SNCG: variants seen among roughly 807,000 people sequenced by gnomAD.
SNCG encodes the protein synuclein gamma, also known as gamma-synuclein.
Under a neutral mutation model 16.0 loss-of-function variants are expected in SNCG, and 13 were observed. The ratio of observed to expected loss-of-function variants is 0.81; its 90% CI spans 0.53 to 1.29. SNCG has a LOEUF of 1.29. Ranked by LOEUF, SNCG falls within the 50% of genes most tolerant of loss-of-function variation. SNCG has a pLI of 0.00. For synonymous variants in SNCG, 66 were observed against 66.3 expected, an observed-to-expected ratio of 1.00 and a Z score of 0.02; for missense variants, 154 against 168.5, an observed-to-expected ratio of 0.91 and a Z score of 0.48.
rs1465432214 is a variant in SNCG at position 86,960,070 on chromosome 10, C to A, written c.233C>A (p.Ala78Asp). Residue 78 changes from alanine to aspartate, a missense_variant, in exon 3 of 5, where the codon GCC becomes GAC. Physicochemically the swap from Ala to Asp is moderately radical, Grantham distance 126 (BLOSUM62 -2). Coordinates refer to ENST00000372017, the MANE Select transcript of SNCG (RefSeq NM_003087.3). ...GTGGTGAGCAGCGTCAACACTGTGGCCACCAAGACCGTGGAGGAGGCGGAG... is the reference window on the plus strand; with the variant it reads ...GTGGTGAGCAGCGTCAACACTGTGGACACCAAGACCGTGGAGGAGGCGGAG... Reference protein sequence around the residue: ...EAVVSSVNTVATKTVEEAENI... With the variant: ...EAVVSSVNTVDTKTVEEAENI... 2 of 1,613,332 alleles carry A rather than the reference C, an allele frequency of 1.2e-6. No individual in the cohort carries two copies. The highest frequency in any genetic ancestry group is 3.3e-5 in the Admixed American group (2 of 59,974).
At chr10:86,957,936 G>C (rs1386162008), upstream of SNCG, 7 of 602,944 alleles carry the variant, frequency 1.2e-5, no homozygotes, top group Non-Finnish European at 1.4e-5. Context: ...CATCCACACT[G>C]CTGGCCAGGA....
chr10:86,957,435 C>T (rs780540982), upstream of SNCG: 4 of 1,613,846 alleles, frequency 2.5e-6, no homozygotes, highest in Admixed American at 6.7e-5. Flanking sequence ...CCCAGGTGTC[C>T]TGGAGCTCTG....
chr10:86,957,256 GATAGATACT>G (rs1188307395), upstream of SNCG: 1 of 1,024,210 alleles, frequency 9.8e-7, no homozygotes, highest in Non-Finnish European at 1.5e-6. Flanking sequence ...ATGGCCCAGA[GATAGATACT>G]ATTAGCCCAT....
upstream of SNCG, chr10:86,957,850 G>C: frequency 8.6e-7 from 1 of 1,157,006 alleles, no homozygotes; most frequent in South Asian, 2.9e-5. Flanking sequence ...CTGCTCCCTG[G>C]GAGCCATGAA....
Position 86,962,693 on chromosome 10 carries a change from G to A in SNCG, c.363+18G>A, listed in dbSNP as rs781033832. ...CAGAGGAGGTAGGAGCTGGGCTCCT[G>A]GGGTGCACCATGGGGGGTTCCTTGG... On this transcript the variant is annotated intron_variant, in intron 4 of 4. Transcript: ENST00000372017. The A allele has an allele frequency of 6.3e-6, 10 of 1,587,866 alleles. No homozygotes were observed. The South Asian group carries it at 7.8e-5, about 12-fold the overall frequency.
chr10:86,959,776 C>A lies in SNCG; in HGVS notation c.163+102C>A. On this transcript the variant is annotated intron_variant, in intron 2 of 4. Coordinates refer to ENST00000372017, the MANE Select transcript of SNCG (RefSeq NM_003087.3). This position sits in a 1 kb window ranked among gnomAD's most constrained non-coding sequence, Gnocchi z 4.3. ...ACCTAGAGTCCTGCCTTACCCCCAA[C>A]TGGGGTCCCAAGCCCTACAGACCCC... 2 of 1,308,654 alleles carry A rather than the reference C, an allele frequency of 1.5e-6. No individual in the cohort carries two copies. The highest frequency in any genetic ancestry group is 2.1e-6 in the Non-Finnish European group (2 of 955,480). The allele number at this position is 1,308,654 out of a possible 1,614,324, so 81.1% of individuals were successfully genotyped here. A position where few individuals can be genotyped will look rare whatever the true frequency, so the allele number is the denominator to read the frequency against.
At chr10:86,957,708 C>T, upstream of SNCG, 2 of 1,328,086 alleles carry the variant, frequency 1.5e-6, no homozygotes, top group Non-Finnish European at 2.0e-6. Flanking sequence ...GTCCTGCCCC[C>T]CAACTACCCT....
chr10:86,958,621 G>A lies in SNCG; in HGVS notation c.-77G>A, dbSNP rs557161416. The A allele has an allele frequency of 9.4e-6, 15 of 1,587,706 alleles. No homozygotes were observed. The African/African-American group carries it at 1.2e-4, about 13-fold the overall frequency. On this transcript the variant is annotated 5_prime_UTR_variant, in exon 1 of 5. Transcript: ENST00000372017. ...GGGGACAGCCGCTGCGGCAGCACTC[G>A]AGCCAGCTCAAGCCCGCAGCTCGCA... is the stretch of plus-strand genomic sequence containing the variant.
rs1331418216 is a variant in SNCG at position 86,962,622 on chromosome 10, G to GC, written c.316dup (p.Gln106ProfsTer5). 1 of 1,612,468 alleles carries GC rather than the reference G, an allele frequency of 6.2e-7. No individual in the cohort carries two copies. Among genetic ancestry groups the GC allele is most frequent in the Non-Finnish European group, 8.5e-7 (1 of 1,179,180 alleles). ...CCTACAGGAGGACTTGAGGCCATCT[G>GC]CCCCCCAACAGGAGGGTGAGGCATC... On this transcript the variant is annotated frameshift_variant, in exon 4 of 5. Transcript: ENST00000372017. LOFTEE classifies it high-confidence loss of function.
intron 3 of SNCG, among the ~76,000 whole-genome samples, chr10:86,960,677 G>A (rs1047610857): frequency 3.3e-5 from 5 of 152,168 alleles, no homozygotes; most frequent in African/African-American, 1.2e-4. Flanking sequence ...TGTGTTGAGT[G>A]AGCATGTGGG....
At chr10:86,957,772 C>G, upstream of SNCG, 1 of 1,339,092 alleles carries the variant, frequency 7.5e-7, no homozygotes, top group South Asian at 2.0e-5. Flanking sequence ...TCCCTGAGGA[C>G]TTGGCTCAGG....
At chr10:86,958,938 C>G (rs751762720) in intron 1 of SNCG, 120 bp downstream of exon 1, 24 of 1,124,624 alleles carry the variant, frequency 2.1e-5, no homozygotes, top group Non-Finnish European at 3.0e-5. Context: ...GAGGCCCTGG[C>G]TATCAAGGTG....
rs1425670954 is a variant in SNCG, at chr10:86,963,003, TG to T, written c.*20del. The T allele has an allele frequency of 6.2e-7, 1 of 1,600,054 alleles. No individual in the cohort carries two copies. Among genetic ancestry groups the T allele is most frequent in the East Asian group, 2.2e-5 (1 of 44,448 alleles). On this transcript the variant is annotated 3_prime_UTR_variant, in exon 5 of 5. Transcript: ENST00000372017. Reference sequence around the variant, plus strand: ...GAGACTAGAGGGCTACAGGCCAGCGTGGATGACCTGAAGAGCGCTCCTCTGC... The same window carrying T: ...GAGACTAGAGGGCTACAGGCCAGCGTGATGACCTGAAGAGCGCTCCTCTGC...
At chr10:86,958,960 C>A in intron 1 of SNCG, 142 bp downstream of exon 1, 1 of 839,364 alleles carries the variant, frequency 1.2e-6, no homozygotes, top group Non-Finnish European at 1.8e-6. Context: ...GGTCTCCAGA[C>A]CCTGGAGCAC....
upstream of SNCG, chr10:86,958,208 C>T: frequency 1.1e-5 from 11 of 966,754 alleles, no homozygotes; most frequent in Non-Finnish European, 1.4e-5. Context: ...CCTATGTGGC[C>T]CTGACCCCTA....
upstream of SNCG, among the ~76,000 whole-genome samples, chr10:86,956,442 C>G (rs148188172): frequency 1.1e-4 from 16 of 152,368 alleles, 1 homozygote; most frequent in Admixed American, 3.3e-4. Flanking sequence ...TGGCCCCCCC[C>G]TCACTCCCTA....
Position 86,959,722 on chromosome 10 carries a change from G to T in SNCG, c.163+48G>T. The T allele has an allele frequency of 6.5e-7, 1 of 1,530,444 alleles. No homozygotes were observed. The highest frequency in any genetic ancestry group is 8.9e-7 in the Non-Finnish European group (1 of 1,126,588). The allele number at this position is 1,530,444 out of a possible 1,614,324, so 94.8% of individuals were successfully genotyped here. ...GACACATGGGGGATAGGACCCCTGGGGCTCCTGCATCCTAGTGCTGGGGCT... is the reference window on the plus strand; with the variant it reads ...GACACATGGGGGATAGGACCCCTGGTGCTCCTGCATCCTAGTGCTGGGGCT... On this transcript the variant is annotated intron_variant, in intron 2 of 4. Coordinates refer to ENST00000372017, the MANE Select transcript of SNCG (RefSeq NM_003087.3). This position sits in a 1 kb window ranked among gnomAD's most constrained non-coding sequence, Gnocchi z 4.3.
chr10:86,958,710 A>C lies in SNCG; in HGVS notation c.13A>C (p.Lys5Gln). Residue 5 changes from lysine to glutamine, a missense_variant, in exon 1 of 5, where the codon AAG (lysine) becomes CAG (glutamine). By Grantham distance (53) the Lys-to-Gln change is moderately conservative. Transcript: ENST00000372017. MDVF[K>Q]KGFSIAKEGV... ...CTGCACACCCACCATGGATGTCTTC[A>C]AGAAGGGCTTCTCCATCGCCAAGGA... 1 of 1,614,034 alleles carries C rather than the reference A, an allele frequency of 6.2e-7. No individual in the cohort carries two copies. The highest frequency in any genetic ancestry group is 1.1e-5 in the South Asian group (1 of 91,074).
Position 86,960,033 on chromosome 10 carries a change from G to A in SNCG, c.196G>A (p.Val66Met), listed in dbSNP as rs370220229. ...AEKTKEQANA[V>M]SEAVVSSVNT... is the part of the protein sequence containing the mutation. The stretch of plus-strand genomic sequence containing the variant: ...GAAGACCAAGGAGCAGGCCAACGCC[G>A]TGAGCGAGGCTGTGGTGAGCAGCGT... Residue 66 changes from valine (V) to methionine (M), a missense_variant, in exon 3 of 5, where the codon GTG (valine) becomes ATG (methionine). Transcript: ENST00000372017. 22 of 1,610,526 alleles carry A rather than the reference G, an allele frequency of 1.4e-5. No homozygotes were observed. The highest frequency in any genetic ancestry group is 1.6e-4 in the Middle Eastern group (1 of 6,076).
Sources: gnomAD v4.1 joint callset for allele counts (sites outside exome capture counted in the v4.1 genomes callset) on GRCh38, gnomAD v4.1.1 for gene constraint, Gnocchi (gnomAD v3.1) non-coding constraint, MANE v1.5 for transcripts, NCBI Gene and HGNC (gene_info 2026-07-23, HGNC 2026-07-21) for gene names.